Variants in TRMT11 observed in about 807,000 individuals in gnomAD.
TRMT11 encodes tRNA (guanine(10)-N(2))-methyltransferase TRMT11.
TRMT11 carries 53 observed loss-of-function variants against 62.8 expected under a neutral mutation model. The observed-to-expected ratio is 0.84, with a 90% CI of 0.68 to 1.06. TRMT11 has a LOEUF of 1.06. TRMT11 is among the 50% of genes least tolerant of loss of function. The pLI is 0.00. For synonymous variants in TRMT11, 188 were observed against 190.3 expected, an observed-to-expected ratio of 0.99 and a Z score of 0.10; for missense variants, 556 against 553.4, an observed-to-expected ratio of 1.00 and a Z score of -0.05.
chr6:126,232,930 A>AT, the TRMT11 span, among the ~76,000 whole-genome samples: 2 of 151,892 alleles, frequency 1.3e-5, no homozygotes, highest in Non-Finnish European at 2.9e-5. Context: ...TAAATGTTTC[A>AT]TTTTTTTCTT....
At chr6:126,244,141 C>A in the TRMT11 span, among the ~76,000 whole-genome samples, 2 of 151,486 alleles carry the variant, frequency 1.3e-5, no homozygotes, top group Admixed American at 1.3e-4. Flanking sequence ...CATCTCGTCT[C>A]TCTCCTCTTT....
chr6:126,119,784 A>G (rs1251435354), intron 21 of TRMT11, among the ~76,000 whole-genome samples: 1 of 152,110 alleles, frequency 6.6e-6, no homozygotes, highest in Non-Finnish European at 1.5e-5. Flanking sequence ...TATCAAAGGG[A>G]TAAAGAACTT....
intron 17 of TRMT11, among the ~76,000 whole-genome samples, chr6:126,092,428 T>C (rs1374480877): frequency 2.6e-5 from 4 of 152,046 alleles, no homozygotes; most frequent in African/African-American, 9.7e-5. Flanking sequence ...TAGAAAACCA[T>C]CAGATCTCAT....
At chr6:126,050,062 C>T (rs986028911) in intron 16 of TRMT11, among the ~76,000 whole-genome samples, 17 of 152,154 alleles carry the variant, frequency 1.1e-4, no homozygotes, top group African/African-American at 4.1e-4. Context: ...GGCATGGTGG[C>T]TCATGCCTGT....
At chr6:126,058,835 A>T (rs1254308658) in intron 17 of TRMT11, among the ~76,000 whole-genome samples, 1 of 152,160 alleles carries the variant, frequency 6.6e-6, no homozygotes, top group East Asian at 1.9e-4. Flanking sequence ...AGAAATGGAT[A>T]AATTCCTGGA....
intron 12 of TRMT11, 135 bp from the exon 13 acceptor site, chr6:126,038,570 T>C (rs1349408534): frequency 6.2e-6 from 4 of 646,046 alleles, no homozygotes; most frequent in African/African-American, 3.8e-5. Flanking sequence ...ATATTTCTAA[T>C]TCAAGTAGTG....
chr6:126,263,412 T>G, the TRMT11 span, among the ~76,000 whole-genome samples: 1 of 152,174 alleles, frequency 6.6e-6, no homozygotes, highest in Non-Finnish European at 1.5e-5. Context: ...TCTTTATCTA[T>G]TTCCTCTTGT....
chr6:126,008,546 C>A, intron 8 of TRMT11, 74 bp downstream of exon 8: 1 of 1,277,248 alleles, frequency 7.8e-7, no homozygotes, highest in Non-Finnish European at 1.1e-6. Context: ...ACAGTTGACC[C>A]TGGAAGAACA....
chr6:126,207,234 C>A (rs1303265382), downstream of TRMT11, among the ~76,000 whole-genome samples: 2 of 152,108 alleles, frequency 1.3e-5, no homozygotes, highest in Non-Finnish European at 2.9e-5. Flanking sequence ...AGTGACCCAC[C>A]CTGAGACAGA....
the TRMT11 span, among the ~76,000 whole-genome samples, chr6:126,210,692 G>C: frequency 6.6e-6 from 1 of 152,166 alleles, no homozygotes; most frequent in African/African-American, 2.4e-5. Flanking sequence ...TCTCTTGGCT[G>C]TCTTAAAGCT....
intron 21 of TRMT11, among the ~76,000 whole-genome samples, chr6:126,161,703 G>T (rs892519945): frequency 7.2e-5 from 11 of 152,228 alleles, no homozygotes; most frequent in African/African-American, 2.7e-4. Context: ...CCCACCAACA[G>T]TGTAAAAGCA....
chr6:126,192,269 T>C (rs1053680497), intron 1 of TRMT11, among the ~76,000 whole-genome samples: 50 of 152,126 alleles, frequency 3.3e-4, no homozygotes, highest in African/African-American at 1.2e-3. Flanking sequence ...ATAGAAACTA[T>C]TGATTTTTGT....
intron 1 of TRMT11, among the ~76,000 whole-genome samples, chr6:126,179,163 ATT>A (rs1181306177): frequency 6.6e-6 from 1 of 152,148 alleles, no homozygotes; most frequent in African/African-American, 2.4e-5. Flanking sequence ...TGCAGAAGAA[ATT>A]GTGTCACTTC....
intron 17 of TRMT11, among the ~76,000 whole-genome samples, chr6:126,103,921 CA>C (rs1239272491): frequency 6.6e-6 from 1 of 152,116 alleles, no homozygotes; most frequent in African/African-American, 2.4e-5. Flanking sequence ...TGGGGTTATA[CA>C]AGGGCATGAA....
intron 17 of TRMT11, among the ~76,000 whole-genome samples, chr6:126,060,671 G>A (rs1303199736): frequency 2.0e-5 from 3 of 152,234 alleles, no homozygotes; most frequent in East Asian, 1.9e-4. Flanking sequence ...CAAGGCCTGG[G>A]CTCTGTCCAG....
intron 1 of TRMT11, among the ~76,000 whole-genome samples, chr6:126,194,631 G>A (rs773198806): frequency 1.7e-4 from 26 of 152,094 alleles, no homozygotes; most frequent in South Asian, 2.1e-4. Flanking sequence ...TCCAAATATC[G>A]GTGGGGGCAT....
At chr6:126,043,587 T>C (rs1245240201), downstream of TRMT11, among the ~76,000 whole-genome samples, 5 of 151,910 alleles carry the variant, frequency 3.3e-5, no homozygotes. Context: ...GATGGCTGGG[T>C]CAAATGGTAT....
At chr6:126,096,257 G>T (rs1777338751) in intron 17 of TRMT11, among the ~76,000 whole-genome samples, 1 of 152,136 alleles carries the variant, frequency 6.6e-6, no homozygotes, top group South Asian at 2.1e-4. Context: ...TTGGTAAAGT[G>T]GTGCTCTAGT....
intron 1 of TRMT11, among the ~76,000 whole-genome samples, chr6:125,990,111 AGTTAT>A (rs1790356651): frequency 6.6e-6 from 1 of 152,138 alleles, no homozygotes; most frequent in Non-Finnish European, 1.5e-5. Context: ...TAGAAAGCGT[AGTTAT>A]GTTAAAGTAT....
Sources: allele counts gnomAD v4.1 joint callset (sites outside exome capture counted in the v4.1 genomes callset), GRCh38; gene constraint gnomAD v4.1.1; transcripts MANE v1.5; gene names NCBI Gene and HGNC (gene_info 2026-07-23, HGNC 2026-07-21).